The following TECRL variants were observed in gnomAD, a reference collection of about 807,000 sequenced individuals.
TECRL encodes the protein trans-2,3-enoyl-CoA reductase-like.
Under a neutral mutation model 52.8 loss-of-function variants are expected in TECRL, and 63 were observed. The ratio of observed to expected loss-of-function variants is 1.19; its 90% CI spans 0.97 to 1.47. The LOEUF is 1.47. Ranked by LOEUF, TECRL falls within the 40% of genes most tolerant of loss-of-function variation. The pLI is 0.00. For missense variants in TECRL, 482 were observed against 429.6 expected (o/e 1.12, Z -1.08); for synonymous variants, 164 against 141.9 (o/e 1.16, Z -1.10).
chr4:64,278,251 T>C lies in TECRL; in HGVS notation c.*1821A>G, dbSNP rs142462757. On this transcript the variant is annotated 3_prime_UTR_variant, in exon 12 of 12. Coordinates refer to ENST00000381210, the MANE Select transcript of TECRL (RefSeq NM_001010874.5). ...AGTATGATAACATACAATGTCTGTA[T>C]TATTAACAAATAAGTACACAACTAA... The C allele has an allele frequency of 1.4e-3, 215 of 152,096 alleles. No individual in the cohort carries two copies. Among genetic ancestry groups the C allele is most frequent in the African/African-American group, 5.0e-3 (207 of 41,536 alleles). The allele number at this position is 152,096 out of a possible 1,614,324, so 9.4% of individuals were successfully genotyped here.
intron 9 of TECRL, among the ~76,000 whole-genome samples, chr4:64,289,022 AG>A (rs770558262): frequency 5.6e-4 from 86 of 152,300 alleles, no homozygotes; most frequent in African/African-American, 1.8e-3. Flanking sequence ...CACGATCAGC[AG>A]GGGGTAGAAA....
At position 64,278,965 on chromosome 4, in the gene TECRL, C is replaced by T. The variant is rs1722683595; in HGVS notation, c.*1107G>A. The T allele has an allele frequency of 6.6e-6, 1 of 152,120 alleles. No homozygotes were observed. Among genetic ancestry groups the T allele is most frequent in the African/African-American group, 2.4e-5 (1 of 41,422 alleles). The allele number at this position is 152,120 out of a possible 1,614,324, so 9.4% of individuals were successfully genotyped here. A position where few individuals can be genotyped will look rare whatever the true frequency, so the allele number is the denominator to read the frequency against. On this transcript the variant is annotated 3_prime_UTR_variant, in exon 12 of 12. Transcript: ENST00000381210. The stretch of plus-strand genomic sequence containing the variant: ...TCAGTTTTTATGGCTGCATAGTATT[C>T]TATTGTGTATATATACCACATTTTC...
chr4:64,380,464 G>A (rs1722703257), intron 1 of TECRL, among the ~76,000 whole-genome samples: 1 of 151,896 alleles, frequency 6.6e-6, no homozygotes, highest in African/African-American at 2.4e-5. Context: ...TGAGGTCTTA[G>A]TTATGAATTT....
rs1724908631 is a variant in TECRL at position 64,408,903 on chromosome 4, A to C, written c.234+215T>G. 3.9e-5 allele frequency among the ~76,000 whole-genome samples: 6 copies of C among 152,146 alleles called. 1 individual carries two copies. The highest frequency in any genetic ancestry group is 3.9e-4 in the Admixed American group (6 of 15,248). ...TGACAGAACCTCATTATTATCTACCATTTAATTAATTTAAATTGAGTATGA... is the reference window on the plus strand; with the variant it reads ...TGACAGAACCTCATTATTATCTACCCTTTAATTAATTTAAATTGAGTATGA... On this transcript the variant is annotated intron_variant, in intron 1 of 11. Coordinates refer to ENST00000381210, the MANE Select transcript of TECRL (RefSeq NM_001010874.5).
chr4:64,375,061 T>G (rs1722299450), intron 2 of TECRL, 111 bp downstream of exon 2: 1 of 432,320 alleles, frequency 2.3e-6, no homozygotes, highest in African/African-American at 2.1e-5. Flanking sequence ...GAGCTCCTTG[T>G]AGAACTATGG....
intron 8 of TECRL, among the ~76,000 whole-genome samples, chr4:64,295,087 T>C (rs1310525765): frequency 1.3e-5 from 2 of 151,640 alleles, no homozygotes; most frequent in Non-Finnish European, 3.0e-5. Context: ...ATTATGAAGC[T>C]CCTTCATACA....
chr4:64,361,570 A>G (rs1179630211), intron 2 of TECRL, among the ~76,000 whole-genome samples: 2 of 152,144 alleles, frequency 1.3e-5, no homozygotes, highest in East Asian at 1.9e-4. Context: ...CCAGCCCTCC[A>G]GTGTTAAAAC....
At chr4:64,295,099 A>G (rs1723604863) in intron 8 of TECRL, among the ~76,000 whole-genome samples, 1 of 151,588 alleles carries the variant, frequency 6.6e-6, no homozygotes, top group Non-Finnish European at 1.5e-5. Context: ...CTTCATACAC[A>G]TTTCTATCTT....
chr4:64,399,973 G>A (rs1724235165), intron 1 of TECRL, among the ~76,000 whole-genome samples: 1 of 152,090 alleles, frequency 6.6e-6, no homozygotes, highest in South Asian at 2.1e-4. Flanking sequence ...TGAGAAAAGG[G>A]CCACTGTCCT....
intron 5 of TECRL, among the ~76,000 whole-genome samples, chr4:64,312,109 C>G (rs762120106): frequency 1.3e-5 from 2 of 152,096 alleles, no homozygotes; most frequent in Admixed American, 1.3e-4. Context: ...TGTGGTGGTT[C>G]GGTCACATAT....
chr4:64,376,993 C>A (rs1040455754), intron 1 of TECRL, among the ~76,000 whole-genome samples: 1 of 151,976 alleles, frequency 6.6e-6, no homozygotes. Context: ...AAGCTGTATG[C>A]CATTCTCCAC....
intron 5 of TECRL, among the ~76,000 whole-genome samples, chr4:64,310,348 T>G (rs1724599379): frequency 6.6e-6 from 1 of 152,210 alleles, no homozygotes; most frequent in African/African-American, 2.4e-5. Flanking sequence ...CAGAATAACT[T>G]TTTAATTGTC....
intron 2 of TECRL, among the ~76,000 whole-genome samples, chr4:64,357,985 GA>G (rs1419325863): frequency 2.6e-5 from 4 of 151,342 alleles, no homozygotes; most frequent in Non-Finnish European, 4.4e-5. Flanking sequence ...TAATAAGTGT[GA>G]AAAAATGTAT....
rs146610448 is a variant in TECRL, at chr4:64,281,499, A to G, written c.893T>C (p.Val298Ala). 1.6e-3 allele frequency: 2,508 copies of G among 1,604,722 alleles called. 5 individuals carry two copies. Among genetic ancestry groups the G allele is most frequent in the Non-Finnish European group, 2.0e-3 (2,291 of 1,174,772 alleles). The change falls in exon 10 of 12, where the codon GTT (valine) becomes GCT (alanine). Residue 298 changes from valine (V) to alanine (A), a missense_variant. Physicochemically the swap from Val to Ala is moderately conservative, Grantham distance 64. Coordinates refer to ENST00000381210, the MANE Select transcript of TECRL (RefSeq NM_001010874.5). ...YNPFTWMFFLVSCPNYTYEIG... is the reference protein window; with the variant it reads ...YNPFTWMFFLASCPNYTYEIG... ...CTCATAGGTGTAGTTAGGACATGAAACCAGGAAAAACATCCATGTGAAGGG... is the reference window on the plus strand; with the variant it reads ...CTCATAGGTGTAGTTAGGACATGAAGCCAGGAAAAACATCCATGTGAAGGG...
chr4:64,341,701 G>A (rs1266754023), intron 2 of TECRL, among the ~76,000 whole-genome samples: 1 of 152,150 alleles, frequency 6.6e-6, no homozygotes, highest in African/African-American at 2.4e-5. Context: ...CCCAGACCTG[G>A]GAGCTTCCAG....
downstream of TECRL, chr4:64,277,039 G>C: frequency 6.7e-7 from 1 of 1,494,208 alleles, no homozygotes; most frequent in Non-Finnish European, 8.9e-7. Context: ...GATGTCTTAG[G>C]CAGTGAGACC....
intron 1 of TECRL, among the ~76,000 whole-genome samples, chr4:64,384,496 A>T (rs1330373926): frequency 6.6e-6 from 1 of 152,120 alleles, no homozygotes; most frequent in African/African-American, 2.4e-5. Flanking sequence ...GTGGTGACAG[A>T]TGGAACAAGT....
rs186393900 is a variant in TECRL, at chr4:64,337,718, A to G, written c.287-9162T>C. Among the ~76,000 whole-genome samples, 830 of 152,310 alleles carry G rather than the reference A, an allele frequency of 5.4e-3. 10 individuals are homozygous for G. Among genetic ancestry groups the G allele is most frequent in the African/African-American group, 0.018 (755 of 41,576 alleles). On this transcript the variant is annotated intron_variant, in intron 2 of 11. Transcript: ENST00000381210. The stretch of plus-strand genomic sequence containing the variant: ...TAAAATACCTAGGAATCCAACTTAC[A>G]AGGGATATGAAGGACCTCTTCAAGG...
intron 1 of TECRL, among the ~76,000 whole-genome samples, chr4:64,376,971 T>A (rs1722442272): frequency 6.6e-6 from 1 of 152,024 alleles, no homozygotes; most frequent in African/African-American, 2.4e-5. Context: ...AGTTTCTTAA[T>A]CTGATATGCA....
Sources: gnomAD v4.1 joint callset for allele counts (sites outside exome capture counted in the v4.1 genomes callset) on GRCh38, gnomAD v4.1.1 for gene constraint, MANE v1.5 for transcripts, NCBI Gene and HGNC (gene_info 2026-07-23, HGNC 2026-07-21) for gene names.